SCUBE1: variants seen among roughly 807,000 people sequenced by gnomAD.
The protein encoded by SCUBE1 is signal peptide, CUB domain and EGF like domain containing 1.
A neutral mutation model predicts 124.4 loss-of-function variants in SCUBE1; 59 were observed. That is an observed-to-expected ratio of 0.47 (90% CI 0.38 to 0.59). SCUBE1 has a LOEUF of 0.59. Ranked by LOEUF, SCUBE1 falls within the 20% of genes least tolerant of loss-of-function variation. The pLI is 0.00. For synonymous variants in SCUBE1, 545 were observed against 550.9 expected (o/e 0.99, Z 0.15); for missense variants, 1,150 against 1,371.2 (o/e 0.84, Z 2.55).
intron 3 of SCUBE1, among the ~76,000 whole-genome samples, chr22:43,299,323 G>C (rs1925682475): frequency 6.6e-6 from 1 of 152,168 alleles, no homozygotes. Context: ...ACGTACTCCA[G>C]TGACAGCAAA....
At chr22:43,207,707 T>A in intron 20 of SCUBE1, 94 bp from the exon 21 acceptor site, 1 of 969,466 alleles carries the variant, frequency 1.0e-6, no homozygotes, top group South Asian at 1.3e-5. Context: ...CCTCCTGTGC[T>A]CCAGCCACGG....
chr22:43,332,631 C>T (rs1275598033), intron 2 of SCUBE1, among the ~76,000 whole-genome samples: 1 of 152,180 alleles, frequency 6.6e-6, no homozygotes, highest in Non-Finnish European at 1.5e-5. Flanking sequence ...TCTCTGGACC[C>T]AGTTTCCCCA....
chr22:43,320,487 G>A (rs1015001559), intron 2 of SCUBE1, among the ~76,000 whole-genome samples: 4 of 152,300 alleles, frequency 2.6e-5, no homozygotes, highest in African/African-American at 7.2e-5. Context: ...TATAACAAAG[G>A]CTCCTGTCTC....
chr22:43,310,592 G>A (rs772945167), intron 3 of SCUBE1, among the ~76,000 whole-genome samples: 76 of 152,326 alleles, frequency 5.0e-4, no homozygotes, highest in Non-Finnish European at 8.2e-4. Context: ...CCCAGACACC[G>A]TGGAGCAGAG....
Position 43,198,590 on chromosome 22 carries a change from C to T in SCUBE1, c.*5407G>A, listed in dbSNP as rs749790448. The stretch of plus-strand genomic sequence containing the variant: ...CTCCACCCCTCATTACATCCTCTGC[C>T]CTTGGCCTGAATGATGTCGGCTCGG... On this transcript the variant is annotated 3_prime_UTR_variant, in exon 22 of 22. Coordinates refer to ENST00000360835, the MANE Select transcript of SCUBE1 (RefSeq NM_173050.5). 1.8e-4 allele frequency: 83 copies of T among 456,636 alleles called. No homozygotes were observed. Among genetic ancestry groups the T allele is most frequent in the African/African-American group, 1.6e-3 (79 of 50,086 alleles). The allele number at this position is 456,636 out of a possible 1,614,324, so 28.3% of individuals were successfully genotyped here.
chr22:43,327,059 G>A (rs1458660765), intron 2 of SCUBE1, among the ~76,000 whole-genome samples: 1 of 152,138 alleles, frequency 6.6e-6, no homozygotes, highest in Non-Finnish European at 1.5e-5. Context: ...AGCAGAGCCC[G>A]AGCATGTTCA....
Position 43,203,828 on chromosome 22 carries a change from G to A in SCUBE1, c.*169C>T. ...GAAGCAGGGTGCTCCCACAGGGGCA[G>A]CGGGTCCGAAGGGTGCCTGGGCTCG... On this transcript the variant is annotated 3_prime_UTR_variant, in exon 22 of 22. Coordinates refer to ENST00000360835, the MANE Select transcript of SCUBE1 (RefSeq NM_173050.5). The A allele has an allele frequency of 1.6e-6, 1 of 639,774 alleles. No individual in the cohort carries two copies. The highest frequency in any genetic ancestry group is 2.6e-6 in the Non-Finnish European group (1 of 380,218). The allele number at this position is 639,774 out of a possible 1,614,324, so 39.6% of individuals were successfully genotyped here.
intron 15 of SCUBE1, 115 bp downstream of exon 15, chr22:43,218,140 C>T: frequency 1.0e-6 from 1 of 980,408 alleles, no homozygotes; most frequent in Non-Finnish European, 1.6e-6. Flanking sequence ...GCCTCTGCAT[C>T]TCTCTGTCCC....
At chr22:43,315,405 C>T (rs1926310219) in intron 3 of SCUBE1, among the ~76,000 whole-genome samples, 1 of 152,150 alleles carries the variant, frequency 6.6e-6, no homozygotes, top group South Asian at 2.1e-4. Flanking sequence ...ACTCTTACAG[C>T]ATGATTTATT....
chr22:43,276,583 AC>A (rs527792898), intron 4 of SCUBE1, among the ~76,000 whole-genome samples: 467 of 152,256 alleles, frequency 3.1e-3, no homozygotes, highest in African/African-American at 0.011. Context: ...ACCCAGGATG[AC>A]CTCGGCTGCT....
intron 15 of SCUBE1, among the ~76,000 whole-genome samples, chr22:43,216,523 C>T (rs1047425506): frequency 1.3e-5 from 2 of 151,764 alleles, no homozygotes. Flanking sequence ...CACGGTGGCG[C>T]GCACCTGTAG....
Position 43,340,481 on chromosome 22 carries a change from T to TACACAC in SCUBE1, c.89-1252_89-1247dup, listed in dbSNP as rs3047392. Among the ~76,000 whole-genome samples, 388 of 136,106 alleles carry TACACAC rather than the reference T, an allele frequency of 2.9e-3. 3 individuals are homozygous for TACACAC. Among genetic ancestry groups the TACACAC allele is most frequent in the East Asian group, 5.2e-3 (23 of 4,466 alleles). 89.3% of individuals were successfully genotyped at this position (136,106 alleles called of 152,430 possible). On this transcript the variant is annotated intron_variant, in intron 1 of 21. Coordinates refer to ENST00000360835, the MANE Select transcript of SCUBE1 (RefSeq NM_173050.5). ...CCCAAGCCTCTCTCCTTGTCTCTTT[T>TACACAC]ACACACACACACACACACACACACA... is the stretch of plus-strand genomic sequence containing the variant.
chr22:43,227,529 AGGCTGGC>A lies in SCUBE1; in HGVS notation c.1085-40_1085-34del, dbSNP rs780189224. ...CACAGCGGGCGTAAGGGCAGAGGGG[AGGCTGGC>A]GGCTGGCGGCTGGCAGGGGAAGGGA... On this transcript the variant is annotated intron_variant, in intron 9 of 21. Coordinates refer to ENST00000360835, the MANE Select transcript of SCUBE1 (RefSeq NM_173050.5). 137 of 1,597,854 alleles carry A rather than the reference AGGCTGGC, an allele frequency of 8.6e-5. 3 individuals are homozygous for A. The South Asian group carries it at 1.1e-3, about 13-fold the overall frequency.
In SCUBE1 at chr22:43,312,873, C is replaced by T. The variant is rs138069683; in HGVS notation, c.349+7064G>A. Among the ~76,000 whole-genome samples the T allele has an allele frequency of 4.8e-3, 728 of 152,290 alleles. 10 individuals are homozygous for T. The South Asian group carries it at 0.059, about 12-fold the overall frequency. ...ACACCCTACGACAAGGAGGCCCTGG[C>T]CAGCCTCCCGGAGCTGGTGCAGTTC... On this transcript the variant is annotated intron_variant, in intron 3 of 21. Transcript: ENST00000360835.
chr22:43,269,739 G>A (rs775189345), intron 4 of SCUBE1, among the ~76,000 whole-genome samples: 117 of 152,252 alleles, frequency 7.7e-4, no homozygotes, highest in Non-Finnish European at 1.5e-3. Context: ...GGGAGGAGGC[G>A]GCTGCCTTCC....
At chr22:43,256,937 T>C (rs1375112184) in intron 6 of SCUBE1, among the ~76,000 whole-genome samples, 2 of 152,210 alleles carry the variant, frequency 1.3e-5, no homozygotes, top group African/African-American at 4.8e-5. Flanking sequence ...GTTGATTTGG[T>C]TTGGCTTTTG....
intron 14 of SCUBE1, among the ~76,000 whole-genome samples, chr22:43,219,394 G>A (rs948271579): frequency 6.6e-6 from 1 of 152,224 alleles, no homozygotes; most frequent in Non-Finnish European, 1.5e-5. Context: ...ACAGCCTGCA[G>A]AGCCGAGAGC....
Position 43,255,840 on chromosome 22 carries a change from G to C in SCUBE1, c.727+2379C>G, listed in dbSNP as rs953841118. Among the ~76,000 whole-genome samples, 1 of 152,204 alleles carries C rather than the reference G, an allele frequency of 6.6e-6. No homozygotes were observed. Among genetic ancestry groups the C allele is most frequent in the African/African-American group, 2.4e-5 (1 of 41,450 alleles). On this transcript the variant is annotated intron_variant, in intron 6 of 21. Coordinates refer to ENST00000360835, the MANE Select transcript of SCUBE1 (RefSeq NM_173050.5). The surrounding 1 kb of genome is among the most constrained non-coding windows in gnomAD (Gnocchi z 4.7). ...ACAAAGTGACCTGGGACACAGAGGG[G>C]ACTCAGGGCCCATGGGCAAGCAAAC...
chr22:43,226,286 G>A (rs1338579000), intron 10 of SCUBE1, among the ~76,000 whole-genome samples: 1 of 152,202 alleles, frequency 6.6e-6, no homozygotes, highest in Non-Finnish European at 1.5e-5. Flanking sequence ...GGCTGGGAGT[G>A]TGATGGGAGG....
Sources: allele counts gnomAD v4.1 joint callset (sites outside exome capture counted in the v4.1 genomes callset), GRCh38; gene constraint gnomAD v4.1.1; non-coding constraint Gnocchi (gnomAD v3.1); transcripts MANE v1.5; gene names NCBI Gene and HGNC (gene_info 2026-07-23, HGNC 2026-07-21).